The following ARHGAP10 variants were observed in gnomAD, a reference collection of about 807,000 sequenced individuals.
ARHGAP10 encodes rho GTPase-activating protein 10.
Under a neutral mutation model 108.6 loss-of-function variants are expected in ARHGAP10, and 87 were observed. The observed-to-expected ratio is 0.80, with a 90% CI of 0.67 to 0.96. The LOEUF (loss-of-function observed/expected upper bound fraction) is 0.96, where lower values mean the gene tolerates loss of function less well. Among genes scored for constraint, ARHGAP10 ranks in the 40% least tolerant of loss-of-function variants. The pLI, the probability that ARHGAP10 is intolerant of heterozygous loss-of-function variation, is 0.00. For missense variants in ARHGAP10, 939 were observed against 954.5 expected (o/e 0.98, Z 0.21); for synonymous variants, 347 against 341.1 (o/e 1.02, Z -0.19).
intron 3 of ARHGAP10, among the ~76,000 whole-genome samples, chr4:147,833,539 A>G (rs1176453058): frequency 6.6e-6 from 1 of 152,212 alleles, no homozygotes; most frequent in Non-Finnish European, 1.5e-5. Context: ...CATGTGGGAA[A>G]AACCAGATTT....
At chr4:147,951,625 TA>T (rs1410267402) in intron 15 of ARHGAP10, among the ~76,000 whole-genome samples, 4 of 150,770 alleles carry the variant, frequency 2.7e-5, no homozygotes, top group Non-Finnish European at 3.0e-5. Flanking sequence ...TTCAAAACAT[TA>T]AAAAAAAATA....
intron 14 of ARHGAP10, among the ~76,000 whole-genome samples, chr4:147,943,268 A>C (rs1047139938): frequency 2.0e-5 from 3 of 152,190 alleles, no homozygotes; most frequent in Non-Finnish European, 2.9e-5. Context: ...GATTTGCAAG[A>C]AGGGCTGGAT....
chr4:147,880,908 TA>T (rs5862815), intron 9 of ARHGAP10, among the ~76,000 whole-genome samples: 152,285 of 152,296 alleles, frequency 1, 76,137 homozygotes, highest in Non-Finnish European at 1. Context: ...ATTTTTACAC[TA>T]AAAAAAAGAG....
At chr4:148,063,383 C>A in intron 21 of ARHGAP10, 83 bp downstream of exon 21, 1 of 1,550,952 alleles carries the variant, frequency 6.4e-7, no homozygotes, top group South Asian at 1.2e-5. Context: ...CTTGTGTTCT[C>A]TGCTGGCAAA....
intron 1 of ARHGAP10, among the ~76,000 whole-genome samples, chr4:147,766,745 A>G (rs1240503222): frequency 1.4e-5 from 2 of 145,066 alleles, no homozygotes; most frequent in Admixed American, 1.4e-4. Flanking sequence ...TTATATACGT[A>G]ACTATATTCA....
At chr4:147,843,365 C>T (rs1319775206) in intron 3 of ARHGAP10, among the ~76,000 whole-genome samples, 3 of 152,152 alleles carry the variant, frequency 2.0e-5, no homozygotes, top group African/African-American at 7.2e-5. Flanking sequence ...CCCACCTGGT[C>T]ATTCTTTGAG....
chr4:147,865,178 C>T, intron 6 of ARHGAP10: 1 of 407,584 alleles, frequency 2.5e-6, no homozygotes, highest in Non-Finnish European at 4.4e-6. Flanking sequence ...GTAATATTCC[C>T]ATTGCTACAT....
chr4:147,998,781 C>CG (rs1156450939), intron 18 of ARHGAP10, among the ~76,000 whole-genome samples: 1 of 152,182 alleles, frequency 6.6e-6, no homozygotes, highest in Non-Finnish European at 1.5e-5. Flanking sequence ...TACCATACTT[C>CG]AATGAAACAG....
intron 1 of ARHGAP10, among the ~76,000 whole-genome samples, chr4:147,790,278 C>G (rs908169179): frequency 2.0e-5 from 3 of 152,186 alleles, no homozygotes; most frequent in Non-Finnish European, 4.4e-5. Context: ...AGGTGGGCTT[C>G]ACCTTTGTGA....
At chr4:147,818,565 CAAAAA>C (rs5862813) in intron 1 of ARHGAP10, among the ~76,000 whole-genome samples, 6 of 105,244 alleles carry the variant, frequency 5.7e-5, no homozygotes, top group African/African-American at 1.8e-4. Flanking sequence ...AAACTGTCAC[CAAAAA>C]AAAAAAAAAA....
chr4:147,745,592 C>T (rs1395456206), intron 1 of ARHGAP10, among the ~76,000 whole-genome samples: 2 of 152,074 alleles, frequency 1.3e-5, no homozygotes, highest in Admixed American at 6.5e-5. Context: ...CCTGGGTTCA[C>T]GCCATTCTCC....
chr4:147,756,130 CAAA>C (rs11355244), intron 1 of ARHGAP10, among the ~76,000 whole-genome samples: 43 of 96,128 alleles, frequency 4.5e-4, no homozygotes, highest in Admixed American at 4.0e-4. Flanking sequence ...TACTAGGAGG[CAAA>C]AAAAAAAAAA....
intron 10 of ARHGAP10, among the ~76,000 whole-genome samples, chr4:147,902,528 G>A (rs2126902458): frequency 6.6e-6 from 1 of 152,250 alleles, no homozygotes; most frequent in Middle Eastern, 3.4e-3. Context: ...GAGTGACCTG[G>A]TCAGGAGTTT....
intron 1 of ARHGAP10, among the ~76,000 whole-genome samples, chr4:147,760,611 T>G (rs1729552532): frequency 6.6e-5 from 10 of 152,230 alleles, no homozygotes; most frequent in Admixed American, 6.5e-4. Context: ...CTTACTCTGT[T>G]GGACATACAC....
At chr4:147,856,028 C>CT (rs1734071061) in intron 4 of ARHGAP10, among the ~76,000 whole-genome samples, 1 of 152,054 alleles carries the variant, frequency 6.6e-6, no homozygotes. Context: ...GAGAATGTTC[C>CT]TTTTTTAGGA....
chr4:147,828,778 A>G (rs1291255729), intron 3 of ARHGAP10, among the ~76,000 whole-genome samples: 4 of 152,174 alleles, frequency 2.6e-5, no homozygotes, highest in African/African-American at 9.7e-5. Flanking sequence ...AGAGAAGTAG[A>G]GCAATTGCCA....
rs1022341962 is a variant in ARHGAP10 at position 147,993,836 on chromosome 4, A to G, written c.1716+26997A>G. ...CAAAACTCTTTTTCCTAAGCATTCT[A>G]GTCTGCTTGGGGGAGAGGGTAGGCA... On this transcript the variant is annotated intron_variant, in intron 18 of 22. Transcript: ENST00000336498. 2.0e-5 allele frequency among the ~76,000 whole-genome samples: 3 copies of G among 152,238 alleles called. No individual in the cohort carries two copies. The South Asian group carries it at 6.2e-4, about 32-fold the overall frequency.
chr4:148,069,846 C>G (rs912958192), intron 22 of ARHGAP10, among the ~76,000 whole-genome samples: 12 of 152,178 alleles, frequency 7.9e-5, no homozygotes, highest in African/African-American at 2.9e-4. Context: ...CCCTGAGGGC[C>G]TGTTTTGCAT....
intron 20 of ARHGAP10, among the ~76,000 whole-genome samples, chr4:148,050,365 CTTTT>C (rs11309245): frequency 3.4e-5 from 2 of 59,298 alleles, no homozygotes; most frequent in African/African-American, 1.1e-4. Flanking sequence ...TCATCATCAT[CTTTT>C]TTTTTTTTTT....
Sources: allele counts gnomAD v4.1 joint callset (sites outside exome capture counted in the v4.1 genomes callset), GRCh38; gene constraint gnomAD v4.1.1; transcripts MANE v1.5; gene names NCBI Gene and HGNC (gene_info 2026-07-23, HGNC 2026-07-21).